The following HTR4 variants were observed in gnomAD, a reference collection of about 807,000 sequenced individuals.
The protein encoded by HTR4 is 5-hydroxytryptamine (serotonin) receptor 4, G protein-coupled.
HTR4 carries 16 observed loss-of-function variants against 36.8 expected under a neutral mutation model. The observed-to-expected ratio is 0.43, with a 90% CI of 0.29 to 0.66. The LOEUF (loss-of-function observed/expected upper bound fraction) is 0.66. Among genes scored for constraint, HTR4 ranks in the 30% least tolerant of loss-of-function variants. The pLI is 0.13. For missense variants in HTR4, 438 were observed against 490.9 expected (o/e 0.89, Z 1.02); for synonymous variants, 189 against 185.1 (o/e 1.02, Z -0.17).
intron 2 of HTR4, among the ~76,000 whole-genome samples, chr5:148,623,021 A>G (rs1490208481): frequency 3.9e-5 from 6 of 152,198 alleles, no homozygotes; most frequent in Non-Finnish European, 2.9e-5. Flanking sequence ...AAGAAGGGGT[A>G]GAAAATATGA....
rs1212835218 is a variant in HTR4, at chr5:148,548,730, T to A, written c.291A>T (p.Thr97=). Residue 97 remains threonine (T), a synonymous_variant, in exon 4 of 7, where the codon ACA becomes ACT. Transcript: ENST00000377888. ...CCGTTGTGAGCAGGACGTCCAGAGATGTCCGAACAAGACAAAACACCTCCC... is the reference window on the plus strand; with the variant it reads ...CCGTTGTGAGCAGGACGTCCAGAGAAGTCCGAACAAGACAAAACACCTCCC... ...IYGEVFCLVR[T]SLDVLLTTAS... The A allele has an allele frequency of 2.5e-6, 4 of 1,612,812 alleles. No homozygotes were observed. The highest frequency in any genetic ancestry group is 3.4e-6 in the Non-Finnish European group (4 of 1,179,422).
At chr5:148,610,472 T>C (rs954676042) in intron 2 of HTR4, among the ~76,000 whole-genome samples, 32 of 152,082 alleles carry the variant, frequency 2.1e-4, no homozygotes, top group Admixed American at 3.9e-4. Flanking sequence ...GGGTCCTGTC[T>C]GCTACAAGGA....
chr5:148,495,351 A>C (rs1186408704), intron 6 of HTR4, among the ~76,000 whole-genome samples: 1 of 152,210 alleles, frequency 6.6e-6, no homozygotes, highest in East Asian at 1.9e-4. Context: ...GATTTTGTAC[A>C]GGGAAATTCT....
chr5:148,623,465 G>A (rs1361931491), intron 2 of HTR4, among the ~76,000 whole-genome samples: 2 of 152,082 alleles, frequency 1.3e-5, no homozygotes, highest in African/African-American at 2.4e-5. Context: ...GAGTAAAGGG[G>A]CAGAGGATGA....
chr5:148,476,494 C>CTG, downstream of HTR4: 1 of 1,104,414 alleles, frequency 9.1e-7, no homozygotes, highest in Non-Finnish European at 1.2e-6. Flanking sequence ...AAAGAGTTTT[C>CTG]TCTTATCAGA....
downstream of HTR4, among the ~76,000 whole-genome samples, chr5:148,478,070 G>C (rs759619208): frequency 3.3e-5 from 5 of 152,204 alleles, no homozygotes; most frequent in Non-Finnish European, 7.3e-5. Flanking sequence ...TCTGACAAGA[G>C]AGAGTAGAGA....
chr5:148,575,745 A>G (rs1327120329), intron 2 of HTR4, among the ~76,000 whole-genome samples: 1 of 152,088 alleles, frequency 6.6e-6, no homozygotes, highest in Non-Finnish European at 1.5e-5. Context: ...GTTTAAATAA[A>G]CTAAACATAT....
intron 2 of HTR4, among the ~76,000 whole-genome samples, chr5:148,596,469 T>A (rs565729127): frequency 6.6e-6 from 1 of 152,240 alleles, no homozygotes; most frequent in South Asian, 2.1e-4. Context: ...TCATGTATTA[T>A]CCCCCCATTC....
At chr5:148,634,249 A>G (rs1753445837) in intron 2 of HTR4, among the ~76,000 whole-genome samples, 1 of 152,124 alleles carries the variant, frequency 6.6e-6, no homozygotes, top group Admixed American at 6.6e-5. Context: ...GTCTCCTGCC[A>G]TCCTGTTCCT....
chr5:148,636,725 A>G (rs1463730002), intron 2 of HTR4, among the ~76,000 whole-genome samples: 1 of 152,170 alleles, frequency 6.6e-6, no homozygotes, highest in Admixed American at 6.6e-5. Context: ...TACAGAGATG[A>G]ATATCTATTT....
At chr5:148,463,996 G>A (rs1372190054) in intron 5 of HTR4, among the ~76,000 whole-genome samples, 1 of 136,564 alleles carries the variant, frequency 7.3e-6, no homozygotes, top group African/African-American at 2.7e-5. Context: ...AGATAGTCTT[G>A]TCAACACATA....
At chr5:148,555,473 C>G (rs868014516) in intron 2 of HTR4, among the ~76,000 whole-genome samples, 3 of 152,282 alleles carry the variant, frequency 2.0e-5, no homozygotes, top group African/African-American at 7.2e-5. Context: ...ATAGAAGAAG[C>G]TTTTTAAATT....
intron 2 of HTR4, among the ~76,000 whole-genome samples, chr5:148,572,549 G>T (rs192009122): frequency 5.9e-5 from 9 of 152,208 alleles, no homozygotes; most frequent in African/African-American, 1.9e-4. Flanking sequence ...CTTAAAAAAA[G>T]TCTGATAACT....
chr5:148,600,995 A>AAAAAAAAAC (rs1761971795), intron 2 of HTR4, among the ~76,000 whole-genome samples: 1 of 147,574 alleles, frequency 6.8e-6, no homozygotes, highest in Non-Finnish European at 1.5e-5. Context: ...AAAAAAAAAA[A>AAAAAAAAAC]AAAAAAAACA....
At chr5:148,472,017 A>G (rs889847141), downstream of HTR4, among the ~76,000 whole-genome samples, 3 of 152,160 alleles carry the variant, frequency 2.0e-5, no homozygotes, top group African/African-American at 7.2e-5. Flanking sequence ...TACTCTCAGG[A>G]TACTCACATA....
chr5:148,500,183 C>T (rs1756875008), intron 6 of HTR4, among the ~76,000 whole-genome samples: 1 of 152,112 alleles, frequency 6.6e-6, no homozygotes, highest in South Asian at 2.1e-4. Flanking sequence ...ATGGGGTTGT[C>T]AAGGAAGCAA....
chr5:148,505,087 C>T (rs982171813), intron 6 of HTR4, among the ~76,000 whole-genome samples: 3 of 152,088 alleles, frequency 2.0e-5, no homozygotes, highest in African/African-American at 7.2e-5. Context: ...GGTACCATTC[C>T]AATATCCCTG....
At chr5:148,603,903 T>TAA in intron 2 of HTR4, among the ~76,000 whole-genome samples, 1 of 152,132 alleles carries the variant, frequency 6.6e-6, no homozygotes, top group East Asian at 1.9e-4. Flanking sequence ...ATCACGGACT[T>TAA]AAGATACAGA....
intron 5 of HTR4, chr5:148,461,750 G>C (rs1483847646): frequency 1.3e-5 from 2 of 152,002 alleles, no homozygotes; most frequent in East Asian, 3.8e-4. Context: ...GAACTCAACA[G>C]TACTATGAAT....
Sources: gnomAD v4.1 joint callset for allele counts (sites outside exome capture counted in the v4.1 genomes callset) on GRCh38, gnomAD v4.1.1 for gene constraint, MANE v1.5 for transcripts, NCBI Gene and HGNC (gene_info 2026-07-23, HGNC 2026-07-21) for gene names.